Variants in CUX1 observed in about 807,000 individuals in gnomAD.
CUX1 encodes protein CASP.
A neutral mutation model predicts 158.8 loss-of-function variants in CUX1; 31 were observed. The observed-to-expected ratio is 0.20, with a 90% CI of 0.15 to 0.26. The LOEUF is 0.26. Among genes scored for constraint, CUX1 ranks in the 10% least tolerant of loss-of-function variants. The pLI is 1.00. For synonymous variants in CUX1, 879 were observed against 862.1 expected (o/e 1.02, Z -0.34); for missense variants, 1,589 against 2,014.6 (o/e 0.79, Z 4.04).
intron 14 of CUX1, among the ~76,000 whole-genome samples, chr7:102,272,924 C>T (rs916794744): frequency 6.6e-6 from 1 of 152,162 alleles, no homozygotes; most frequent in African/African-American, 2.4e-5. Flanking sequence ...CTCTCCTACC[C>T]CCAGGCTTCC....
In CUX1 at chr7:102,250,581, G is replaced by A. The variant is rs1465252633; in HGVS notation, c.*1539G>A. 1 of 985,162 alleles carries A rather than the reference G, an allele frequency of 1.0e-6. No homozygotes were observed. Among genetic ancestry groups the A allele is most frequent in the African/African-American group, 1.7e-5 (1 of 57,218 alleles). 61.0% of individuals were successfully genotyped at this position (985,162 alleles called of 1,614,324 possible). A position where few individuals can be genotyped will look rare whatever the true frequency, so the allele number is the denominator to read the frequency against. The stretch of plus-strand genomic sequence containing the variant: ...TTCTGGGCTCCCCACTCCCATCCCT[G>A]TAGAAATGGCCCAAACTCACACCAA... On this transcript the variant is annotated 3_prime_UTR_variant, in exon 24 of 24. Transcript: ENST00000292535.
At chr7:102,271,058 G>A (rs1791180405) in intron 14 of CUX1, among the ~76,000 whole-genome samples, 1 of 152,198 alleles carries the variant, frequency 6.6e-6, no homozygotes, top group Non-Finnish European at 1.5e-5. Flanking sequence ...AAAACAGGCA[G>A]TGCAAGGAAT....
intron 18 of CUX1, chr7:102,280,025 C>G: frequency 6.3e-7 from 1 of 1,578,868 alleles, no homozygotes; most frequent in South Asian, 1.1e-5. Flanking sequence ...CTTCCCCTCC[C>G]TGTCTGTGCA....
chr7:102,063,390 T>C (rs575632063), intron 3 of CUX1, among the ~76,000 whole-genome samples: 15 of 138,206 alleles, frequency 1.1e-4, no homozygotes, highest in African/African-American at 3.4e-4. Flanking sequence ...TTTCTTTTTT[T>C]TTTTTTTTTT....
intron 17 of CUX1, 48 bp downstream of exon 17, chr7:102,200,220 A>AATTGTC (rs1554519266): frequency 6.7e-7 from 1 of 1,489,566 alleles, no homozygotes; most frequent in Non-Finnish European, 9.2e-7. Flanking sequence ...TAATTAAGAG[A>AATTGTC]ATTGTCATGA....
intron 4 of CUX1, among the ~76,000 whole-genome samples, chr7:102,091,825 G>A (rs782561001): frequency 7.9e-5 from 12 of 151,498 alleles, no homozygotes; most frequent in African/African-American, 2.2e-4. Flanking sequence ...GTGTGACCTC[G>A]GCTCACTGCA....
chr7:101,909,080 G>C (rs1203258137), intron 1 of CUX1, among the ~76,000 whole-genome samples: 1 of 151,432 alleles, frequency 6.6e-6, no homozygotes, highest in Non-Finnish European at 1.5e-5. Flanking sequence ...AGGATCGCTT[G>C]AGCCCAGGAG....
intron 1 of CUX1, among the ~76,000 whole-genome samples, chr7:101,845,124 A>G (rs1427323026): frequency 2.6e-5 from 4 of 151,498 alleles, no homozygotes; most frequent in African/African-American, 4.8e-5. Context: ...ACAGGTGTCA[A>G]CCCTTCTTCT....
intron 20 of CUX1, among the ~76,000 whole-genome samples, chr7:102,219,055 AACACACACACACACACAC>A (rs3138788): frequency 3.2e-5 from 4 of 126,248 alleles, no homozygotes; most frequent in African/African-American, 1.2e-4. Flanking sequence ...CCTGCCTCAA[AACACACACACACACACAC>A]ACACACACAC....
At chr7:102,114,770 A>C (rs1831271934) in intron 7 of CUX1, among the ~76,000 whole-genome samples, 1 of 152,162 alleles carries the variant, frequency 6.6e-6, no homozygotes, top group Non-Finnish European at 1.5e-5. Context: ...AGTCCCAGCT[A>C]CTTGGGAGGC....
At chr7:102,127,561 G>A (rs782728677) in intron 8 of CUX1, among the ~76,000 whole-genome samples, 35 of 135,964 alleles carry the variant, frequency 2.6e-4, no homozygotes, top group Admixed American at 7.6e-4. Context: ...TGATTTCTAG[G>A]GTTTGTTTTT....
chr7:102,215,898 C>T (rs968194700), intron 20 of CUX1, among the ~76,000 whole-genome samples: 2 of 152,224 alleles, frequency 1.3e-5, no homozygotes, highest in Non-Finnish European at 2.9e-5. Context: ...TCGGGGCAGA[C>T]GCAGCATCCT....
intron 3 of CUX1, among the ~76,000 whole-genome samples, chr7:102,039,106 G>A (rs1585375132): frequency 1.3e-5 from 2 of 152,290 alleles, no homozygotes; most frequent in Non-Finnish European, 1.5e-5. Flanking sequence ...AAAGCATATG[G>A]ATTTATTTGC....
chr7:101,946,139 A>G (rs561000727), intron 2 of CUX1, among the ~76,000 whole-genome samples: 1 of 152,318 alleles, frequency 6.6e-6, no homozygotes, highest in South Asian at 2.1e-4. Flanking sequence ...ACAGAGTAGA[A>G]GAACCAAAAC....
In CUX1 at chr7:102,254,436, G is replaced by A. The variant is rs1318163327; in HGVS notation, c.*5394G>A. 2 of 985,182 alleles carry A rather than the reference G, an allele frequency of 2.0e-6. No homozygotes were observed. Among genetic ancestry groups the A allele is most frequent in the Admixed American group, 6.2e-5 (1 of 16,246 alleles). 61.0% of individuals were successfully genotyped at this position (985,182 alleles called of 1,614,324 possible). ...GGAAAAGGATAGATGGCTTCCTCCA[G>A]CCTACACGCCCCGTCCACAGTGGCA... On this transcript the variant is annotated 3_prime_UTR_variant, in exon 24 of 24. Coordinates refer to ENST00000292535, the MANE Select transcript of CUX1 (RefSeq NM_181552.4).
At chr7:102,010,723 G>C (rs767354572) in intron 2 of CUX1, among the ~76,000 whole-genome samples, 24 of 152,252 alleles carry the variant, frequency 1.6e-4, no homozygotes, top group Non-Finnish European at 2.8e-4. Context: ...GAAACTCAGT[G>C]AAGGAGTTCT....
At position 102,148,153 on chromosome 7, in the gene CUX1, T is replaced by C. The variant is rs1835214214; in HGVS notation, c.675-10407T>C. Among the ~76,000 whole-genome samples, 5 of 150,908 alleles carry C rather than the reference T, an allele frequency of 3.3e-5. No individual in the cohort carries two copies. The South Asian group carries it at 1.0e-3, about 32-fold the overall frequency. On this transcript the variant is annotated intron_variant, in intron 8 of 23. Transcript: ENST00000292535. ...AACAAAATGAATGGACAATGGAGAG[T>C]GTGGCTGTGGAGAGGCCTCTCAGAG... is the stretch of plus-strand genomic sequence containing the variant.
intron 15 of CUX1, 139 bp downstream of exon 15, chr7:102,197,444 C>T (rs1794910238): frequency 9.4e-7 from 1 of 1,058,876 alleles, no homozygotes; most frequent in Non-Finnish European, 1.4e-6. Flanking sequence ...TTGCTTCTGC[C>T]ACGTCCAGAG....
At position 101,980,384 on chromosome 7, in the gene CUX1, C is replaced by T. The variant is rs569029265; in HGVS notation, c.142-47714C>T. On this transcript the variant is annotated intron_variant, in intron 2 of 23. Transcript: ENST00000292535. Reference sequence around the variant, plus strand: ...AAGTAGCTGAGCATGGTGGCATGCACCTGTGGTCCCAGCTACTGGGGAAGC... The same window carrying T: ...AAGTAGCTGAGCATGGTGGCATGCATCTGTGGTCCCAGCTACTGGGGAAGC... Among the ~76,000 whole-genome samples, 9 of 152,254 alleles carry T rather than the reference C, an allele frequency of 5.9e-5. No homozygotes were observed. The East Asian group carries it at 1.4e-3, about 23-fold the overall frequency.
Sources: allele counts gnomAD v4.1 joint callset (sites outside exome capture counted in the v4.1 genomes callset), GRCh38; gene constraint gnomAD v4.1.1; transcripts MANE v1.5; gene names NCBI Gene and HGNC (gene_info 2026-07-23, HGNC 2026-07-21).